OTUD7A: variants seen among roughly 807,000 people sequenced by gnomAD.
OTUD7A encodes OTU deubiquitinase 7A, also known as OTU domain-containing protein 7A.
Under a neutral mutation model 65.7 loss-of-function variants are expected in OTUD7A, and 12 were observed. The observed-to-expected ratio is 0.18, with a 90% CI of 0.12 to 0.30. The LOEUF is 0.30. Among genes scored for constraint, OTUD7A ranks in the 10% least tolerant of loss-of-function variants. OTUD7A has a pLI of 1.00. For missense variants in OTUD7A, 1,148 were observed against 1,304.8 expected (o/e 0.88, Z 1.85); for synonymous variants, 641 against 586.3 (o/e 1.09, Z -1.35).
chr15:31,599,193 C>A (rs1890000722), intron 3 of OTUD7A, among the ~76,000 whole-genome samples: 1 of 152,328 alleles, frequency 6.6e-6, no homozygotes, highest in South Asian at 2.1e-4. Context: ...GGTCCCTGAC[C>A]CCTGTGTATC....
intron 1 of OTUD7A, among the ~76,000 whole-genome samples, chr15:31,802,251 C>T (rs1896153132): frequency 6.6e-6 from 1 of 151,944 alleles, no homozygotes; most frequent in African/African-American, 2.4e-5. Context: ...TTCTGAGTCC[C>T]AAAACTGAAG....
chr15:31,555,923 C>T (rs969402147), intron 5 of OTUD7A: 2 of 146,548 alleles, frequency 1.4e-5, no homozygotes, highest in African/African-American at 2.6e-5. Context: ...CTCACTGCAG[C>T]CCTGACTGCC....
intron 1 of OTUD7A, among the ~76,000 whole-genome samples, chr15:31,866,381 C>T (rs775140325): frequency 1.3e-5 from 2 of 152,236 alleles, no homozygotes; most frequent in Non-Finnish European, 2.9e-5. Context: ...CAGCTAAACA[C>T]GCCTCCACAA....
intron 3 of OTUD7A, among the ~76,000 whole-genome samples, chr15:31,619,906 T>C (rs1333060457): frequency 6.6e-6 from 1 of 152,242 alleles, no homozygotes; most frequent in Non-Finnish European, 1.5e-5. Context: ...TGTGGGTCTG[T>C]AATAGATAGC....
At chr15:31,708,847 G>C (rs981132922) in intron 1 of OTUD7A, among the ~76,000 whole-genome samples, 54 of 151,154 alleles carry the variant, frequency 3.6e-4, no homozygotes, top group Non-Finnish European at 6.6e-4. Flanking sequence ...CCCACTTCAA[G>C]GGACTCTGAC....
At chr15:31,550,679 C>T (rs552539003) in intron 5 of OTUD7A, among the ~76,000 whole-genome samples, 7 of 152,240 alleles carry the variant, frequency 4.6e-5, no homozygotes, top group East Asian at 1.9e-4. Context: ...GGCTGGCCCC[C>T]GGAAGCTGTG....
In OTUD7A at chr15:31,480,854, C is replaced by T. The variant is rs1313184923; in HGVS notation, c.*2440G>A. 6 of 152,230 alleles carry T rather than the reference C, an allele frequency of 3.9e-5. No individual in the cohort carries two copies. Among genetic ancestry groups the T allele is most frequent in the Admixed American group, 2.0e-4 (3 of 15,290 alleles). The allele number at this position is 152,230 out of a possible 1,614,324, so 9.4% of individuals were successfully genotyped here. A position where few individuals can be genotyped will look rare whatever the true frequency, so the allele number is the denominator to read the frequency against. ...AGGTGTCTACAGGCGTCTGGCGCCT[C>T]GTTACCACATTGAGAAGCTGGGGTG... On this transcript the variant is annotated 3_prime_UTR_variant, in exon 13 of 13. Coordinates refer to ENST00000307050, the MANE Select transcript of OTUD7A (RefSeq NM_001382637.1).
At position 31,794,099 on chromosome 15, in the gene OTUD7A, A is replaced by G. The variant is rs371944446; in HGVS notation, c.-100+76408T>C. Among the ~76,000 whole-genome samples the G allele has an allele frequency of 7.6e-4, 115 of 152,292 alleles. 1 individual carries two copies. The highest frequency in any genetic ancestry group is 6.8e-3 in the Middle Eastern group (2 of 294). On this transcript the variant is annotated intron_variant, in intron 1 of 12. Transcript: ENST00000307050. ...ATTTAAACCTCTATTTTTAACCTTC[A>G]TGTAGTGTTTGGTATGGCTCTAGGT...
intron 1 of OTUD7A, among the ~76,000 whole-genome samples, chr15:31,804,372 A>G (rs1182297035): frequency 1.3e-5 from 2 of 152,092 alleles, no homozygotes; most frequent in Non-Finnish European, 2.9e-5. Context: ...GGGTCCCCCA[A>G]CTCCCTGAAT....
chr15:31,551,935 A>G (rs1355178363), intron 5 of OTUD7A, among the ~76,000 whole-genome samples: 2 of 151,988 alleles, frequency 1.3e-5, no homozygotes, highest in Non-Finnish European at 1.5e-5. Context: ...ATATAGTTTG[A>G]GATGTTTGTC....
intron 5 of OTUD7A, chr15:31,556,860 T>A (rs1475416408): frequency 2.0e-5 from 3 of 152,298 alleles, no homozygotes; most frequent in Non-Finnish European, 4.4e-5. Context: ...AAATATCTTA[T>A]CTGAATTAGT....
At chr15:31,786,540 G>A (rs886803507) in intron 1 of OTUD7A, among the ~76,000 whole-genome samples, 2 of 152,166 alleles carry the variant, frequency 1.3e-5, no homozygotes, top group African/African-American at 4.8e-5. Flanking sequence ...GGTGACAGGT[G>A]AGGGGTGTGT....
intron 1 of OTUD7A, among the ~76,000 whole-genome samples, chr15:31,824,693 A>G (rs1038329823): frequency 6.6e-6 from 1 of 152,196 alleles, no homozygotes; most frequent in African/African-American, 2.4e-5. Flanking sequence ...AGACTCTCCT[A>G]AGTTATAATA....
intron 3 of OTUD7A, among the ~76,000 whole-genome samples, chr15:31,579,828 T>C (rs2141182937): frequency 6.6e-6 from 1 of 152,360 alleles, no homozygotes; most frequent in Admixed American, 6.5e-5. Context: ...ACACTATATA[T>C]ATTATGTGTG....
At chr15:31,587,180 G>C (rs916220717) in intron 3 of OTUD7A, among the ~76,000 whole-genome samples, 1 of 152,078 alleles carries the variant, frequency 6.6e-6, no homozygotes, top group Non-Finnish European at 1.5e-5. Context: ...CTTAAAATAT[G>C]CATTCTTGAT....
At chr15:31,558,842 A>T in intron 5 of OTUD7A, 127 bp downstream of exon 5, 1 of 1,014,032 alleles carries the variant, frequency 9.9e-7, no homozygotes, top group Non-Finnish European at 1.5e-6. Flanking sequence ...TGCAGCATCT[A>T]GAATCCTAAC....
intron 1 of OTUD7A, among the ~76,000 whole-genome samples, chr15:31,686,948 T>G (rs1194179184): frequency 6.6e-6 from 1 of 152,214 alleles, no homozygotes; most frequent in African/African-American, 2.4e-5. Context: ...AACAGCAATG[T>G]TTTTGAAGAC....
chr15:31,716,782 C>T (rs4374135), intron 1 of OTUD7A, among the ~76,000 whole-genome samples: 148,650 of 151,222 alleles, frequency 0.98, 73,117 homozygotes, highest in East Asian at 1. Context: ...TCTGTGCATA[C>T]GGACAAAGGG....
At chr15:31,584,860 C>G (rs184076698) in intron 3 of OTUD7A, among the ~76,000 whole-genome samples, 51 of 152,268 alleles carry the variant, frequency 3.3e-4, no homozygotes, top group South Asian at 2.5e-3. Context: ...GGTGATTTAT[C>G]TAGTGGAGTA....
Sources: gnomAD v4.1 joint callset for allele counts (sites outside exome capture counted in the v4.1 genomes callset) on GRCh38, gnomAD v4.1.1 for gene constraint, MANE v1.5 for transcripts, NCBI Gene and HGNC (gene_info 2026-07-23, HGNC 2026-07-21) for gene names.